The following PIK3R1 variants were observed in gnomAD, a reference collection of about 807,000 sequenced individuals.
The protein encoded by PIK3R1 is phosphatidylinositol 3-kinase regulatory subunit alpha.
In PIK3R1, 29 loss-of-function variants were observed where a neutral mutation model predicts 98.0. The ratio of observed to expected loss-of-function variants is 0.30; its 90% confidence interval spans 0.22 to 0.40. The LOEUF is 0.40. Ranked by LOEUF, PIK3R1 falls within the 10% of genes least tolerant of loss-of-function variation. The probability of loss-of-function intolerance (pLI) is 1.00; values close to 1 mark genes in which losing one functional copy is unlikely to be tolerated. For missense variants in PIK3R1, 596 were observed against 872.7 expected (o/e 0.68, Z 3.99); for synonymous variants, 282 against 311.8 (o/e 0.90, Z 1.01).
chr5:68,293,241 TATTAAAAC>T (rs779897423), intron 9 of PIK3R1, 42 bp downstream of exon 9: 2 of 1,594,042 alleles, frequency 1.3e-6, no homozygotes, highest in African/African-American at 2.7e-5. Context: ...TTTGGGCTGA[TATTAAAAC>T]ATATTTCCTT....
At chr5:68,234,510 T>C (rs890079243) in intron 2 of PIK3R1, among the ~76,000 whole-genome samples, 4 of 152,370 alleles carry the variant, frequency 2.6e-5, no homozygotes, top group Non-Finnish European at 5.9e-5. Context: ...TATCAAGTTT[T>C]TGCAGATGCA....
intron 2 of PIK3R1, among the ~76,000 whole-genome samples, chr5:68,249,861 A>C (rs1285775232): frequency 1.3e-5 from 2 of 152,194 alleles, no homozygotes; most frequent in African/African-American, 4.8e-5. Flanking sequence ...TTGGTGAGCA[A>C]ATGAATAACT....
chr5:68,275,541 C>T (rs1195531281), intron 4 of PIK3R1, among the ~76,000 whole-genome samples: 1 of 151,576 alleles, frequency 6.6e-6, no homozygotes, highest in Non-Finnish European at 1.5e-5. Flanking sequence ...AAAAACTCTT[C>T]ACACCACTCG....
chr5:68,296,674 A>G (rs909747548), intron 15 of PIK3R1, among the ~76,000 whole-genome samples: 7 of 152,042 alleles, frequency 4.6e-5, no homozygotes. Context: ...TTGCCTCTCA[A>G]GGCTACTATA....
intron 2 of PIK3R1, 124 bp from the exon 3 acceptor site, chr5:68,273,266 C>A: frequency 1.1e-6 from 1 of 874,522 alleles, no homozygotes. Context: ...AGTGCAAAAG[C>A]CCAGAGCAGG....
rs1341871685 is a variant in PIK3R1, at chr5:68,262,640, T to TAG, written c.335-10749_335-10748insGA. Among the ~76,000 whole-genome samples the TAG allele has an allele frequency of 6.1e-4, 85 of 140,234 alleles. No homozygotes were observed. In the East Asian group the frequency reaches 0.016, roughly 26 times the overall value. The allele number at this position is 140,234 out of a possible 152,430, so 92.0% of individuals were successfully genotyped here. A position where few individuals can be genotyped will look rare whatever the true frequency, so the allele number is the denominator to read the frequency against. On this transcript the variant is annotated intron_variant, in intron 2 of 15. Transcript: ENST00000521381. ...ACATGTAGATGCATGTATACACATG[T>TAG]ATACACATGTATCTGCATGTATACA...
chr5:68,256,224 AT>A (rs1186228818), intron 2 of PIK3R1, among the ~76,000 whole-genome samples: 1 of 152,120 alleles, frequency 6.6e-6, no homozygotes, highest in Non-Finnish European at 1.5e-5. Flanking sequence ...ACATTTTGTA[AT>A]TTTTTATTTA....
At position 68,273,953 on chromosome 5, in the gene PIK3R1, A is replaced by G; in HGVS notation, c.442A>G (p.Thr148Ala). Residue 148 changes from threonine to alanine, a missense_variant, in exon 4 of 16, where the codon ACT becomes GCT. By Grantham distance (58) the Thr-to-Ala change is moderately conservative (BLOSUM62 0). Transcript: ENST00000521381. ...TTGTGTCCTAGGTCTGGAATGTTCA[A>G]CTCTATACAGAACACAGAGCTCCAG... Reference protein sequence around the residue: ...AIEKKGLECSTLYRTQSSSNL... With the variant: ...AIEKKGLECSALYRTQSSSNL... 1.2e-6 allele frequency: 2 copies of G among 1,613,724 alleles called. No homozygotes were observed. The highest frequency in any genetic ancestry group is 8.5e-7 in the Non-Finnish European group (1 of 1,179,724).
chr5:68,287,243 C>G (rs535300554), intron 7 of PIK3R1, among the ~76,000 whole-genome samples: 229 of 152,160 alleles, frequency 1.5e-3, no homozygotes, highest in African/African-American at 5.2e-3. Context: ...ACAGAAAAAA[C>G]CAGAGTTTTG....
At chr5:68,218,606 A>G (rs966399188) in intron 1 of PIK3R1, among the ~76,000 whole-genome samples, 1 of 152,198 alleles carries the variant, frequency 6.6e-6, no homozygotes, top group African/African-American at 2.4e-5. Context: ...AGGCTGAAAA[A>G]AAATTGATTT....
At chr5:68,219,270 C>A (rs2111928795) in intron 1 of PIK3R1, among the ~76,000 whole-genome samples, 1 of 152,274 alleles carries the variant, frequency 6.6e-6, no homozygotes, top group East Asian at 1.9e-4. Flanking sequence ...TAAAGTAAAT[C>A]AAATACATAT....
Position 68,228,835 on chromosome 5 carries a change from G to C in PIK3R1, c.334+1826G>C, listed in dbSNP as rs541561158. ...AATTTGCATTTGATAATTGCTATCA[G>C]GTGCAAGTTTCTTTGGCTCTGGTGT... On this transcript the variant is annotated intron_variant, in intron 2 of 15. Coordinates refer to ENST00000521381, the MANE Select transcript of PIK3R1 (RefSeq NM_181523.3). Among the ~76,000 whole-genome samples, 8 of 152,262 alleles carry C rather than the reference G, an allele frequency of 5.3e-5. 1 individual carries two copies. Among genetic ancestry groups the C allele is most frequent in the African/African-American group, 1.9e-4 (8 of 41,540 alleles).
Position 68,301,342 on chromosome 5 carries a change from C to CTATATATATATATATATATA in PIK3R1, c.*3747_*3766dup, listed in dbSNP as rs531318827. On this transcript the variant is annotated 3_prime_UTR_variant, in exon 16 of 16. Transcript: ENST00000521381. ...ATAGCATTAGCTGCCCAGGATGCTG[C>CTATATATATATATATATATA]TATATATATATATATATATATATAT... The CTATATATATATATATATATA allele has an allele frequency of 2.4e-4, 13 of 53,254 alleles. No individual in the cohort carries two copies. The highest frequency in any genetic ancestry group is 8.3e-4 in the South Asian group (1 of 1,202). The allele number at this position is 53,254 out of a possible 1,614,324, so 3.3% of individuals were successfully genotyped here.
At chr5:68,280,291 A>G (rs898331968) in intron 5 of PIK3R1, 28 of 551,528 alleles carry the variant, frequency 5.1e-5, no homozygotes, top group African/African-American at 1.5e-4. Context: ...CACCCTGAAC[A>G]GCTTGTGGTT....
At chr5:68,291,026 G>T in intron 7 of PIK3R1, 1 of 487,874 alleles carries the variant, frequency 2.0e-6, no homozygotes, top group Non-Finnish European at 3.6e-6. Context: ...CTCAGGCTGT[G>T]TGTGGTAAAT....
In PIK3R1 at chr5:68,272,153, TG is replaced by T. The variant is rs1017237841; in HGVS notation, c.335-1229del. Among the ~76,000 whole-genome samples the T allele has an allele frequency of 1.2e-3, 180 of 145,216 alleles. 1 individual carries two copies. The highest frequency in any genetic ancestry group is 4.4e-3 in the African/African-American group (172 of 39,162). ...CTGTAGTCGCAGCTACTCAGGAGGC[TG>T]GGGGGGGAGGATCACATGAACTCAG... On this transcript the variant is annotated intron_variant, in intron 2 of 15. Transcript: ENST00000521381.
intron 1 of PIK3R1, among the ~76,000 whole-genome samples, chr5:68,224,057 T>C (rs529845823): frequency 4.3e-4 from 66 of 152,230 alleles, no homozygotes; most frequent in Non-Finnish European, 6.2e-4. Context: ...GATTTTTTTT[T>C]CCCCCCTAAA....
intron 3 of PIK3R1, 109 bp downstream of exon 3, chr5:68,273,591 G>A (rs951428990): frequency 1.2e-5 from 11 of 927,962 alleles, no homozygotes; most frequent in Non-Finnish European, 1.8e-5. Context: ...TACCAGCTAT[G>A]TCCAGATACT....
intron 7 of PIK3R1, among the ~76,000 whole-genome samples, chr5:68,283,439 G>C (rs1269262791): frequency 2.0e-5 from 3 of 152,218 alleles, no homozygotes; most frequent in African/African-American, 7.2e-5. Context: ...TGCAGCTGGT[G>C]ACTTTCTAGG....
Sources: gnomAD v4.1 joint callset for allele counts (sites outside exome capture counted in the v4.1 genomes callset) on GRCh38, gnomAD v4.1.1 for gene constraint, MANE v1.5 for transcripts, NCBI Gene and HGNC (gene_info 2026-07-23, HGNC 2026-07-21) for gene names.